Variants in ERGIC1 observed in about 807,000 individuals in gnomAD.
ERGIC1 encodes the protein endoplasmic reticulum-Golgi intermediate compartment protein 1.
A neutral mutation model predicts 38.3 loss-of-function variants in ERGIC1; 19 were observed. The observed-to-expected ratio is 0.50, with a 90% CI of 0.35 to 0.73. The LOEUF (loss-of-function observed/expected upper bound fraction) is 0.73, where lower values mean the gene tolerates loss of function less well. Ranked by LOEUF, ERGIC1 falls within the 30% of genes least tolerant of loss-of-function variation. The pLI is 0.01. For synonymous variants in ERGIC1, 124 were observed against 157.6 expected (o/e 0.79, Z 1.60); for missense variants, 294 against 389.2 (o/e 0.76, Z 2.06).
chr5:172,849,274 C>G (rs981312031), intron 1 of ERGIC1, among the ~76,000 whole-genome samples: 10 of 152,156 alleles, frequency 6.6e-5, no homozygotes, highest in Non-Finnish European at 1.2e-4. Flanking sequence ...TGTGCTCTCT[C>G]TAGCAAACTG....
Position 172,882,574 on chromosome 5 carries a change from T to A in ERGIC1, c.21-6125T>A, listed in dbSNP as rs141320070. Reference sequence around the variant, plus strand: ...CTGGCTTGGTGACTCTGAGCTTCCATTTTCTCCCTGGAAAAATGAGATATC... The same window carrying A: ...CTGGCTTGGTGACTCTGAGCTTCCAATTTCTCCCTGGAAAAATGAGATATC... On this transcript the variant is annotated intron_variant, in intron 1 of 9. Transcript: ENST00000393784. 2.1e-4 allele frequency among the ~76,000 whole-genome samples: 32 copies of A among 152,236 alleles called. No individual in the cohort carries two copies. The East Asian group carries it at 4.6e-3, about 22-fold the overall frequency.
chr5:172,932,351 A>C, intron 7 of ERGIC1, 85 bp from the exon 8 acceptor site: 12 of 1,396,570 alleles, frequency 8.6e-6, no homozygotes, highest in Non-Finnish European at 1.2e-5. Context: ...TGCCCAGGGA[A>C]TTTAGGCTTA....
intron 1 of ERGIC1, among the ~76,000 whole-genome samples, chr5:172,879,471 T>C (rs1410653564): frequency 2.0e-5 from 3 of 152,242 alleles, no homozygotes; most frequent in Non-Finnish European, 1.5e-5. Context: ...TTTGGCACCT[T>C]TTTGATTAAC....
intron 1 of ERGIC1, among the ~76,000 whole-genome samples, chr5:172,843,265 T>C (rs1761201854): frequency 6.6e-6 from 1 of 152,242 alleles, no homozygotes; most frequent in African/African-American, 2.4e-5. Context: ...TCTTCCATTC[T>C]GTAGTTGCGT....
At chr5:172,916,957 T>G (rs1024745305) in intron 5 of ERGIC1, 1 of 152,096 alleles carries the variant, frequency 6.6e-6, no homozygotes, top group Admixed American at 6.6e-5. Flanking sequence ...TGCACTCCAG[T>G]CTGGGCGACA....
At chr5:172,876,743 T>C (rs1043448513) in intron 1 of ERGIC1, among the ~76,000 whole-genome samples, 2 of 152,184 alleles carry the variant, frequency 1.3e-5, no homozygotes, top group African/African-American at 4.8e-5. Flanking sequence ...CTTTCCGCTC[T>C]CCCTGGGCAG....
chr5:172,878,105 A>AGAAAGGGTT (rs1250389981), intron 1 of ERGIC1, among the ~76,000 whole-genome samples: 1 of 152,248 alleles, frequency 6.6e-6, no homozygotes, highest in Non-Finnish European at 1.5e-5. Flanking sequence ...TTTTGTGGTC[A>AGAAAGGGTT]GAAAGGGTTA....
At position 172,898,670 on chromosome 5, in the gene ERGIC1, A is replaced by G. The variant is rs1762791515; in HGVS notation, c.155+1596A>G. The stretch of plus-strand genomic sequence containing the variant: ...CTGTGTGACCCTATGCAAGTTGCCG[A>G]ACCCCTCTGGGTCTCAGTATTGGTA... On this transcript the variant is annotated intron_variant, in intron 3 of 9. Transcript: ENST00000393784. The G allele has an allele frequency of 2.0e-5, 3 of 152,192 alleles. No individual in the cohort carries two copies. In the South Asian group the frequency reaches 6.2e-4, roughly 32 times the overall value. 9.4% of individuals were successfully genotyped at this position (152,192 alleles called of 1,614,324 possible).
rs1337715766 is a variant in ERGIC1, at chr5:172,846,928, AGAT to A, written c.20+12496_20+12498del. Among the ~76,000 whole-genome samples, 1 of 152,240 alleles carries A rather than the reference AGAT, an allele frequency of 6.6e-6. No individual in the cohort carries two copies. Among genetic ancestry groups the A allele is most frequent in the Non-Finnish European group, 1.5e-5 (1 of 68,044 alleles). On this transcript the variant is annotated intron_variant, in intron 1 of 9. Transcript: ENST00000393784. This position sits in a 1 kb window ranked among gnomAD's most constrained non-coding sequence, Gnocchi z 4.0. Reference sequence around the variant, plus strand: ...ACCAGGATATCCAGGCTGTCAGAGAAGATTTATGGATGGGCAGGAAATTGGACT... The same window carrying A: ...ACCAGGATATCCAGGCTGTCAGAGAATTATGGATGGGCAGGAAATTGGACT...
chr5:172,927,567 A>C (rs1763683382), intron 7 of ERGIC1, among the ~76,000 whole-genome samples: 1 of 148,522 alleles, frequency 6.7e-6, no homozygotes, highest in Non-Finnish European at 1.5e-5. Context: ...TCCATCTTGC[A>C]GCTCTGCTGT....
intron 3 of ERGIC1, chr5:172,905,292 T>C (rs1762988090): frequency 3.2e-6 from 1 of 310,340 alleles, no homozygotes; most frequent in Non-Finnish European, 7.1e-6. Flanking sequence ...GCAATTTCAT[T>C]ACTCAACAGC....
At chr5:172,835,875 G>A (rs793009) in intron 1 of ERGIC1, among the ~76,000 whole-genome samples, 78,185 of 152,062 alleles carry the variant, frequency 0.51, 21,112 homozygotes, top group East Asian at 0.7. Flanking sequence ...AGCCCCTCTG[G>A]TGGAATTCAA....
At chr5:172,943,885 C>T (rs1396830872) in intron 9 of ERGIC1, among the ~76,000 whole-genome samples, 2 of 152,144 alleles carry the variant, frequency 1.3e-5, no homozygotes, top group Non-Finnish European at 2.9e-5. Context: ...TGGAACACAT[C>T]CTTCTCATAT....
chr5:172,864,617 T>C (rs1387435715), intron 1 of ERGIC1, among the ~76,000 whole-genome samples: 1 of 152,022 alleles, frequency 6.6e-6, no homozygotes, highest in Non-Finnish European at 1.5e-5. Flanking sequence ...ATATAGGGGC[T>C]GTCTTTTTTT....
chr5:172,905,178 G>A (rs1337002564), intron 3 of ERGIC1: 3 of 237,930 alleles, frequency 1.3e-5, no homozygotes, highest in East Asian at 8.8e-5. Flanking sequence ...GCCCAGCCTC[G>A]CCAGGTGGGA....
chr5:172,863,280 A>G (rs1490525801), intron 1 of ERGIC1, among the ~76,000 whole-genome samples: 1 of 152,222 alleles, frequency 6.6e-6, no homozygotes, highest in African/African-American at 2.4e-5. Context: ...AAGTGAGATT[A>G]TTAAGTGTAA....
Position 172,942,173 on chromosome 5 carries a change from G to A in ERGIC1, c.765+6863G>A, listed in dbSNP as rs566945825. On this transcript the variant is annotated intron_variant, in intron 9 of 9. Transcript: ENST00000393784. Reference sequence around the variant, plus strand: ...CGTGCCATTGCACTCTAGCCTGGGCGACAGAGCAAGACTCCGTCTCAAAAA... The same window carrying A: ...CGTGCCATTGCACTCTAGCCTGGGCAACAGAGCAAGACTCCGTCTCAAAAA... Among the ~76,000 whole-genome samples, 6 of 152,188 alleles carry A rather than the reference G, an allele frequency of 3.9e-5. No homozygotes were observed. In the South Asian group the frequency reaches 8.3e-4, roughly 21 times the overall value.
At chr5:172,891,786 G>A (rs1228431030) in intron 2 of ERGIC1, among the ~76,000 whole-genome samples, 1 of 152,162 alleles carries the variant, frequency 6.6e-6, no homozygotes, top group Non-Finnish European at 1.5e-5. Context: ...ACACAAAAGG[G>A]AGCATACTCT....
chr5:172,940,455 G>A (rs1763985568), intron 9 of ERGIC1, among the ~76,000 whole-genome samples: 1 of 152,194 alleles, frequency 6.6e-6, no homozygotes, highest in Admixed American at 6.5e-5. Flanking sequence ...GCCACTTGCT[G>A]TAGCTCCCTT....
Sources: gnomAD v4.1 joint callset for allele counts (sites outside exome capture counted in the v4.1 genomes callset) on GRCh38, gnomAD v4.1.1 for gene constraint, Gnocchi (gnomAD v3.1) non-coding constraint, MANE v1.5 for transcripts, NCBI Gene and HGNC (gene_info 2026-07-23, HGNC 2026-07-21) for gene names.